Variants in TPRG1 observed in about 807,000 individuals in gnomAD.
The protein encoded by TPRG1 is tumor protein p63-regulated gene 1 protein.
A neutral mutation model predicts 29.3 loss-of-function variants in TPRG1; 29 were observed. The ratio of observed to expected loss-of-function variants is 0.99; its 90% CI spans 0.74 to 1.35. TPRG1 has a LOEUF of 1.35. TPRG1 is among the 40% of genes most tolerant of loss of function. TPRG1 has a pLI of 0.00. For synonymous variants in TPRG1, 130 were observed against 116.8 expected (o/e 1.11, Z -0.73); for missense variants, 327 against 335.0 (o/e 0.98, Z 0.19).
chr3:189,147,245 T>C (rs1190874989), intron 3 of TPRG1, among the ~76,000 whole-genome samples: 5 of 152,166 alleles, frequency 3.3e-5, no homozygotes, highest in Middle Eastern at 3.2e-3. Context: ...CTTGCTTAGT[T>C]AAAAGAAGCT....
chr3:189,125,940 T>G (rs898978273), intron 1 of TPRG1, among the ~76,000 whole-genome samples: 2 of 151,222 alleles, frequency 1.3e-5, no homozygotes, highest in Admixed American at 1.3e-4. Context: ...TGTAAGAACA[T>G]CACCCTGATG....
At chr3:189,142,631 ACT>A (rs1431048092) in intron 3 of TPRG1, among the ~76,000 whole-genome samples, 3 of 152,018 alleles carry the variant, frequency 2.0e-5, no homozygotes, top group African/African-American at 4.8e-5. Flanking sequence ...GACCAAAGAG[ACT>A]CTAACTCAAC....
chr3:189,250,469 T>G (rs1741993029), intron 4 of TPRG1, among the ~76,000 whole-genome samples: 2 of 137,130 alleles, frequency 1.5e-5, no homozygotes, highest in Admixed American at 1.7e-4. Context: ...GTAATGTGCC[T>G]CATAGATTTC....
chr3:189,040,462 A>T (rs1283762395), intron 4 of TPRG1, among the ~76,000 whole-genome samples: 1 of 151,930 alleles, frequency 6.6e-6, no homozygotes, highest in African/African-American at 2.4e-5. Flanking sequence ...GGATGGTGCC[A>T]AGAGAGTTAT....
intron 4 of TPRG1, among the ~76,000 whole-genome samples, chr3:189,026,384 A>G (rs935240300): frequency 1.3e-5 from 2 of 152,188 alleles, no homozygotes; most frequent in Non-Finnish European, 2.9e-5. Flanking sequence ...AGACCTCTTT[A>G]AAGATCTAAA....
chr3:189,250,096 A>G (rs1316228995), intron 4 of TPRG1, among the ~76,000 whole-genome samples: 1 of 152,180 alleles, frequency 6.6e-6, no homozygotes, highest in Non-Finnish European at 1.5e-5. Flanking sequence ...TCCAATTGTT[A>G]CCACTGGGGA....
intron 2 of TPRG1, among the ~76,000 whole-genome samples, chr3:189,214,200 A>T (rs527518509): frequency 6.6e-6 from 1 of 152,350 alleles, no homozygotes; most frequent in South Asian, 2.1e-4. Context: ...GCATAAAAGC[A>T]TTCAATAAAA....
intron 3 of TPRG1, among the ~76,000 whole-genome samples, chr3:189,220,300 A>G (rs1310585151): frequency 6.6e-6 from 1 of 151,814 alleles, no homozygotes; most frequent in Non-Finnish European, 1.5e-5. Flanking sequence ...ATAGTATATA[A>G]TTCCAGCTTA....
At chr3:189,201,135 A>G (rs1421845911) in intron 1 of TPRG1, among the ~76,000 whole-genome samples, 1 of 152,180 alleles carries the variant, frequency 6.6e-6, no homozygotes, top group Non-Finnish European at 1.5e-5. Context: ...CAGACTCCAG[A>G]ACTGAGAGAA....
Position 189,053,480 on chromosome 3 carries a change from C to G in TPRG1, c.-463+29534C>G, listed in dbSNP as rs187095835. 7.9e-5 allele frequency among the ~76,000 whole-genome samples: 12 copies of G among 152,274 alleles called. 1 individual carries two copies. The highest frequency in any genetic ancestry group is 5.9e-4 in the Admixed American group (9 of 15,284). ...ATCAAGGAATTGAAACTTACCAGAT[C>G]ACTGCATACGGACAATAAGATGCCA... is the stretch of plus-strand genomic sequence containing the variant. On this transcript the variant is annotated intron_variant, in intron 4 of 10. Coordinates refer to the TPRG1 transcript ENST00000433971.
chr3:189,069,846 C>T (rs966051486), intron 4 of TPRG1, among the ~76,000 whole-genome samples: 1 of 151,944 alleles, frequency 6.6e-6, no homozygotes, highest in Non-Finnish European at 1.5e-5. Context: ...GTGGCTCATA[C>T]CTGTAATACC....
chr3:189,299,433 G>A (rs956325534), intron 4 of TPRG1, among the ~76,000 whole-genome samples: 1 of 151,956 alleles, frequency 6.6e-6, no homozygotes, highest in Non-Finnish European at 1.5e-5. Flanking sequence ...GGCATTTCTC[G>A]AAATATCTGT....
intron 4 of TPRG1, among the ~76,000 whole-genome samples, chr3:189,149,380 T>A (rs950753395): frequency 2.0e-5 from 3 of 152,206 alleles, no homozygotes; most frequent in African/African-American, 7.2e-5. Flanking sequence ...AAGTTGTTGC[T>A]TTCATTCCAA....
intron 4 of TPRG1, among the ~76,000 whole-genome samples, chr3:189,077,700 A>C (rs1283817592): frequency 6.6e-6 from 1 of 152,172 alleles, no homozygotes; most frequent in Non-Finnish European, 1.5e-5. Context: ...GATTGTATTT[A>C]TTGATTGGAA....
At chr3:189,161,230 G>A (rs1395834372) in intron 5 of TPRG1, among the ~76,000 whole-genome samples, 2 of 152,154 alleles carry the variant, frequency 1.3e-5, no homozygotes, top group African/African-American at 4.8e-5. Flanking sequence ...TGGGGGTTAG[G>A]GCTGGAGGGA....
intron 2 of TPRG1, chr3:189,212,171 T>C (rs1298954255): frequency 6.6e-6 from 1 of 152,160 alleles, no homozygotes; most frequent in African/African-American, 2.4e-5. Flanking sequence ...TATCTCTAAA[T>C]TTATACTCGA....
chr3:189,315,556 G>A (rs1045473359), intron 5 of TPRG1: 8 of 452,470 alleles, frequency 1.8e-5, no homozygotes, highest in Admixed American at 7.1e-5. Context: ...AGCAGTGAAC[G>A]CATTATGTGT....
intron 4 of TPRG1, among the ~76,000 whole-genome samples, chr3:189,296,372 C>T (rs548108448): frequency 2.8e-4 from 42 of 152,320 alleles, no homozygotes; most frequent in Non-Finnish European, 5.1e-4. Flanking sequence ...TCAGGTGAGT[C>T]AGCAATGTGG....
intron 3 of TPRG1, chr3:189,219,772 ATTC>A (rs1431423899): frequency 2.7e-6 from 3 of 1,102,012 alleles, no homozygotes; most frequent in South Asian, 2.3e-5. Flanking sequence ...GTTGTTCTTA[ATTC>A]TTCTTATTCC....
Sources: gnomAD v4.1 joint callset for allele counts (sites outside exome capture counted in the v4.1 genomes callset) on GRCh38, gnomAD v4.1.1 for gene constraint, MANE v1.5 for transcripts, NCBI Gene and HGNC (gene_info 2026-07-23, HGNC 2026-07-21) for gene names.